Variants in MCF2L observed in about 807,000 individuals in gnomAD.
MCF2L encodes MCF.2 cell line derived transforming sequence like.
Under a neutral mutation model 153.4 loss-of-function variants are expected in MCF2L, and 97 were observed. That is an observed-to-expected ratio of 0.63 (90% confidence interval 0.54 to 0.75). The LOEUF (loss-of-function observed/expected upper bound fraction) is 0.75. Ranked by LOEUF, MCF2L falls within the 30% of genes least tolerant of loss-of-function variation. The pLI is 0.00. For missense variants in MCF2L, 1,347 were observed against 1,495.2 expected (o/e 0.90, Z 1.64); for synonymous variants, 659 against 632.2 (o/e 1.04, Z -0.64).
rs1417218207 is a variant in MCF2L, at chr13:113,096,396, C to T, written c.3101C>T (p.Ala1034Val). 10 of 1,588,938 alleles carry T rather than the reference C, an allele frequency of 6.3e-6. No homozygotes were observed. The highest frequency in any genetic ancestry group is 2.3e-5 in the East Asian group (1 of 43,572). The part of the protein sequence containing the change: ...KLVPGKYTVV[A>V]DHEKGGPDAL... ...GTTCCAGGTAAATACACGGTCGTGG[C>T]GGACCACGAGAAGGGAGGCCCCGAT... Residue 1034 changes from alanine (A) to valine (V), a missense_variant, in exon 28 of 30, where the codon GCG becomes GTG. By Grantham distance (64) the Ala-to-Val change is moderately conservative (BLOSUM62 0). Around this residue, in one of 3 missense-constraint regions of MCF2L, gnomAD observed 383 missense variants for 335.4 expected, o/e 1.14. Coordinates refer to ENST00000535094, the MANE Select transcript of MCF2L (RefSeq NM_001112732.3).
At chr13:112,926,469 A>G (rs1402301814) in intron 2 of MCF2L, among the ~76,000 whole-genome samples, 1 of 151,974 alleles carries the variant, frequency 6.6e-6, no homozygotes, top group African/African-American at 2.4e-5. Flanking sequence ...GGCCTGGTCT[A>G]TATACACAGC....
chr13:113,034,624 GCCCTGGTCTCACCCA>G (rs2086025492), intron 3 of MCF2L, among the ~76,000 whole-genome samples: 1 of 149,038 alleles, frequency 6.7e-6, no homozygotes, highest in African/African-American at 2.5e-5. Flanking sequence ...TCTCACCCTC[GCCCTGGTCTCACCCA>G]CGCCCTCGCC....
chr13:113,073,225 T>C (rs977492664), intron 9 of MCF2L, among the ~76,000 whole-genome samples: 1 of 152,218 alleles, frequency 6.6e-6, no homozygotes, highest in Non-Finnish European at 1.5e-5. Context: ...GAGATTTGTT[T>C]TGCAGCCCAA....
chr13:113,013,104 C>T (rs1040697872), intron 1 of MCF2L, among the ~76,000 whole-genome samples: 2 of 152,168 alleles, frequency 1.3e-5, no homozygotes, highest in Non-Finnish European at 2.9e-5. Flanking sequence ...GAAAAACTTA[C>T]CGTAAAATCT....
chr13:112,981,684 C>G (rs985007964), intron 1 of MCF2L, among the ~76,000 whole-genome samples: 6 of 152,220 alleles, frequency 3.9e-5, no homozygotes, highest in African/African-American at 1.4e-4. Context: ...GTCCACACCC[C>G]GAGGCACAGG....
intron 3 of MCF2L, among the ~76,000 whole-genome samples, chr13:113,026,499 T>G (rs1461192992): frequency 6.6e-6 from 1 of 152,190 alleles, no homozygotes; most frequent in Non-Finnish European, 1.5e-5. Context: ...GCCCAGTTGC[T>G]CAGCAGTCGG....
At chr13:112,927,204 G>A (rs1365380995) in intron 2 of MCF2L, among the ~76,000 whole-genome samples, 1 of 152,190 alleles carries the variant, frequency 6.6e-6, no homozygotes, top group African/African-American at 2.4e-5. Flanking sequence ...TATCTAGCGA[G>A]GTCATAGACA....
chr13:113,030,545 A>G (rs373046555), intron 3 of MCF2L, among the ~76,000 whole-genome samples: 31 of 83,374 alleles, frequency 3.7e-4, no homozygotes, highest in Admixed American at 1.4e-3. Flanking sequence ...TCGGGTGTCC[A>G]CCGACGCAGA....
At chr13:113,002,076 A>C (rs2083413306) in intron 1 of MCF2L, 9 of 1,364,060 alleles carry the variant, frequency 6.6e-6, no homozygotes, top group Admixed American at 3.0e-5. Flanking sequence ...TTCTGGGCCC[A>C]GCCCTGTCCT....
At chr13:113,071,820 C>A (rs1227385901) in intron 9 of MCF2L, among the ~76,000 whole-genome samples, 1 of 152,154 alleles carries the variant, frequency 6.6e-6, no homozygotes, top group Non-Finnish European at 1.5e-5. Context: ...TCTTTGTTTT[C>A]TTTTTCAAAA....
At position 113,012,109 on chromosome 13, in the gene MCF2L, G is replaced by C. The variant is rs181506042; in HGVS notation, c.80-2654G>C. Among the ~76,000 whole-genome samples the C allele has an allele frequency of 4.2e-3, 473 of 113,320 alleles. 33 individuals are homozygous for C. Among genetic ancestry groups the C allele is most frequent in the Middle Eastern group, 0.012 (2 of 168 alleles). 74.3% of individuals were successfully genotyped at this position (113,320 alleles called of 152,430 possible). A position where few individuals can be genotyped will look rare whatever the true frequency, so the allele number is the denominator to read the frequency against. ...CAGTGGACACTGCAGTGTGGATGGT[G>C]GACAGGTGGTGTGGACGGTGGACAG... is the stretch of plus-strand genomic sequence containing the variant. On this transcript the variant is annotated intron_variant, in intron 1 of 29. Coordinates refer to ENST00000535094, the MANE Select transcript of MCF2L (RefSeq NM_001112732.3).
rs2085443419 is a variant in MCF2L, at chr13:113,028,459, G to A, written c.278+3701G>A. The stretch of plus-strand genomic sequence containing the variant: ...GAATCTCAGATGGGTCCAGACTCCT[G>A]CAGGACAAGACCCACTCAGCCACCT... On this transcript the variant is annotated intron_variant, in intron 3 of 29. Coordinates refer to ENST00000535094, the MANE Select transcript of MCF2L (RefSeq NM_001112732.3). This position sits in a 1 kb window ranked among gnomAD's most constrained non-coding sequence, Gnocchi z 5.4. 6.6e-6 allele frequency among the ~76,000 whole-genome samples: 1 copy of A among 152,172 alleles called. No individual in the cohort carries two copies. The highest frequency in any genetic ancestry group is 2.4e-5 in the African/African-American group (1 of 41,438).
At chr13:112,969,008 C>T (rs1443856980), upstream of MCF2L, among the ~76,000 whole-genome samples, 2 of 151,170 alleles carry the variant, frequency 1.3e-5, no homozygotes, top group African/African-American at 4.9e-5. The surrounding 1 kb of genome is among the most constrained non-coding windows in gnomAD (Gnocchi z 4.8). Context: ...CCGCGGGGCT[C>T]CCAGGTGACC....
intron 2 of MCF2L, among the ~76,000 whole-genome samples, chr13:113,022,076 C>T (rs1566749473): frequency 6.6e-6 from 1 of 152,182 alleles, no homozygotes; most frequent in African/African-American, 2.4e-5. Flanking sequence ...ACTGCACCCT[C>T]GACCCTGTGG....
intron 2 of MCF2L, among the ~76,000 whole-genome samples, chr13:113,018,409 A>G (rs2084668358): frequency 6.6e-6 from 1 of 152,134 alleles, no homozygotes; most frequent in Admixed American, 6.5e-5. Context: ...AGGAACAAGG[A>G]ATTGGGTGTA....
intron 1 of MCF2L, among the ~76,000 whole-genome samples, chr13:112,995,448 C>T (rs569398085): frequency 2.6e-5 from 4 of 152,346 alleles, no homozygotes; most frequent in African/African-American, 9.6e-5. Context: ...CGTGTTGGCA[C>T]TGCAACTGCT....
intron 2 of MCF2L, among the ~76,000 whole-genome samples, chr13:113,020,879 T>G (rs766872301): frequency 1.3e-4 from 13 of 99,938 alleles, no homozygotes; most frequent in Non-Finnish European, 1.9e-4. Context: ...TGTGTGTATG[T>G]GTAGATGTGT....
chr13:112,895,825 G>A (rs908121501), intron 1 of MCF2L, among the ~76,000 whole-genome samples: 82 of 152,180 alleles, frequency 5.4e-4, no homozygotes, highest in African/African-American at 1.9e-3. Context: ...CTGTGCAGGG[G>A]CCCAGGCGTC....
intron 2 of MCF2L, among the ~76,000 whole-genome samples, chr13:112,912,775 C>CTGTG (rs140910971): frequency 1.0e-3 from 157 of 150,450 alleles, no homozygotes; most frequent in African/African-American, 3.6e-3. Context: ...TGTCACATGT[C>CTGTG]TGTGTGTGTG....
Sources: gnomAD v4.1 joint callset for allele counts (sites outside exome capture counted in the v4.1 genomes callset) on GRCh38, gnomAD v4.1.1 for gene constraint, gnomAD v4.1.1 regional missense constraint, Gnocchi (gnomAD v3.1) non-coding constraint, MANE v1.5 for transcripts, NCBI Gene and HGNC (gene_info 2026-07-23, HGNC 2026-07-21) for gene names.